The following NUP210 variants were observed in gnomAD, a reference collection of about 807,000 sequenced individuals.
NUP210 encodes the protein nuclear pore membrane glycoprotein 210.
NUP210 carries 151 observed loss-of-function variants against 196.0 expected under a neutral mutation model. The ratio of observed to expected loss-of-function variants is 0.77; its 90% confidence interval spans 0.67 to 0.88. NUP210 has a LOEUF of 0.88. NUP210 is among the 40% of genes least tolerant of loss of function. The probability of loss-of-function intolerance (pLI) is 0.00; values close to 1 mark genes in which losing one functional copy is unlikely to be tolerated. For synonymous variants in NUP210, 1,070 were observed against 1,052.7 expected, an observed-to-expected ratio of 1.02 and a Z score of -0.32; for missense variants, 2,314 against 2,493.7, an observed-to-expected ratio of 0.93 and a Z score of 1.53.
rs1293508200 is a variant in NUP210, at chr3:13,391,288, C to T, written c.456G>A (p.Leu152=). ...LDSEGNTFST[L]AGLVFEWTIV... The stretch of plus-strand genomic sequence containing the variant: ...TCGTCCACTCGAAGACCAGTCCAGC[C>T]AGAGTGCTGAAGGTGTTCCCTATAA... Residue 152 remains leucine (L), a synonymous_variant, in exon 4 of 40, where the codon CTG becomes CTA. Coordinates refer to ENST00000254508, the MANE Select transcript of NUP210 (RefSeq NM_024923.4). 1 of 1,610,926 alleles carries T rather than the reference C, an allele frequency of 6.2e-7. No individual in the cohort carries two copies. The highest frequency in any genetic ancestry group is 8.5e-7 in the Non-Finnish European group (1 of 1,178,596).
In NUP210 at chr3:13,375,531, C is replaced by T; in HGVS notation, c.1404G>A (p.Lys468=). ...TTATTGTGTACTGATAGGCGCCCGTCTTTGGTTGCCACGGAAATGTCAAGA... is the reference window on the plus strand; with the variant it reads ...TTATTGTGTACTGATAGGCGCCCGTTTTTGGTTGCCACGGAAATGTCAAGA... The part of the protein sequence containing the change: ...PSILTFPWQP[K]TGAYQYTIRA... Residue 468 remains lysine, a synonymous_variant, in exon 11 of 40, where the codon AAG becomes AAA. Coordinates refer to ENST00000254508, the MANE Select transcript of NUP210 (RefSeq NM_024923.4). 1.2e-6 allele frequency: 2 copies of T among 1,614,122 alleles called. No individual in the cohort carries two copies. Among genetic ancestry groups the T allele is most frequent in the Non-Finnish European group, 1.7e-6 (2 of 1,180,012 alleles).
intron 1 of NUP210, among the ~76,000 whole-genome samples, chr3:13,404,790 C>T (rs908663547): frequency 6.6e-6 from 1 of 152,206 alleles, no homozygotes; most frequent in Admixed American, 6.5e-5. Flanking sequence ...CTGGCTCTTT[C>T]CCAGGCTGGG....
chr3:13,415,193 A>C (rs1043049491), intron 1 of NUP210, among the ~76,000 whole-genome samples: 1 of 152,160 alleles, frequency 6.6e-6, no homozygotes, highest in African/African-American at 2.4e-5. Flanking sequence ...GTGCCACTGC[A>C]CTCCAGCCTG....
At chr3:13,391,445 G>C in intron 3 of NUP210, 138 bp from the exon 4 acceptor site, 1 of 645,876 alleles carries the variant, frequency 1.5e-6, no homozygotes, top group South Asian at 1.7e-5. Flanking sequence ...TAAACTGTAT[G>C]TCAGGAGAGG....
chr3:13,408,265 GATTAGCTAGT>G (rs915385699), intron 1 of NUP210, among the ~76,000 whole-genome samples: 6 of 152,006 alleles, frequency 3.9e-5, no homozygotes, highest in African/African-American at 1.4e-4. Context: ...TTCTGGATTT[GATTAGCTAGT>G]ATTTTAAAAA....
chr3:13,322,628 A>G (rs186405394), intron 34 of NUP210, among the ~76,000 whole-genome samples: 1 of 152,364 alleles, frequency 6.6e-6, no homozygotes, highest in East Asian at 1.9e-4. Context: ...TAGGCCCACT[A>G]ATGCCTGTCT....
At position 13,350,232 on chromosome 3, in the gene NUP210, G is replaced by A. The variant is rs1001998703; in HGVS notation, c.2835+1647C>T. Among the ~76,000 whole-genome samples the A allele has an allele frequency of 1.3e-5, 2 of 151,648 alleles. No individual in the cohort carries two copies. The highest frequency in any genetic ancestry group is 2.9e-5 in the Non-Finnish European group (2 of 67,924). On this transcript the variant is annotated intron_variant, in intron 20 of 39. Transcript: ENST00000254508. This position sits in a 1 kb window ranked among gnomAD's most constrained non-coding sequence, Gnocchi z 4.1. Reference sequence around the variant, plus strand: ...AATAACACAGCCTGTGTGTGTGTGTGTTCAGCAAAATAACACAGCCTGTGT... The same window carrying A: ...AATAACACAGCCTGTGTGTGTGTGTATTCAGCAAAATAACACAGCCTGTGT...
chr3:13,380,395 G>A (rs1480204722), intron 6 of NUP210, among the ~76,000 whole-genome samples: 3 of 152,310 alleles, frequency 2.0e-5, no homozygotes, highest in Admixed American at 2.0e-4. Context: ...GCAATGAGGT[G>A]TCTCATGATC....
chr3:13,336,756 G>C, intron 27 of NUP210, 31 bp downstream of exon 27: 1 of 1,606,902 alleles, frequency 6.2e-7, no homozygotes, highest in Non-Finnish European at 8.5e-7. Context: ...ACAGGGGTGG[G>C]AGGTGAGCTC....
chr3:13,367,168 G>A (rs1698567479), intron 13 of NUP210, among the ~76,000 whole-genome samples: 1 of 151,624 alleles, frequency 6.6e-6, no homozygotes, highest in South Asian at 2.1e-4. Context: ...CGGGCATGGT[G>A]GCTCACACCT....
At chr3:13,328,569 T>C (rs543093820) in intron 31 of NUP210, among the ~76,000 whole-genome samples, 2 of 152,362 alleles carry the variant, frequency 1.3e-5, no homozygotes, top group East Asian at 3.9e-4. Flanking sequence ...CCTGTCTGTC[T>C]TCCTCTGAGC....
intron 28 of NUP210, among the ~76,000 whole-genome samples, 187 bp from the exon 29 acceptor site, chr3:13,332,571 G>A (rs560802409): frequency 6.6e-4 from 100 of 151,620 alleles, no homozygotes; most frequent in Non-Finnish European, 1.3e-3. Context: ...GGTGTGGCCG[G>A]GTAGAGTAGC....
chr3:13,420,110 C>A lies in NUP210; in HGVS notation c.117G>T (p.Arg39=). Residue 39 remains arginine, a synonymous_variant, in exon 1 of 40, where the codon CGG becomes CGT. Coordinates refer to ENST00000254508, the MANE Select transcript of NUP210 (RefSeq NM_024923.4). The surrounding 1 kb of genome is among the most constrained non-coding windows in gnomAD (Gnocchi z 4.8). ...CCAGCGTGAAGTTAACGCGCGTGGCCCGCGTGAAGGGCAGCAGCACTTTGG... is the reference window on the plus strand; with the variant it reads ...CCAGCGTGAAGTTAACGCGCGTGGCACGCGTGAAGGGCAGCAGCACTTTGG... ...NIPKVLLPFT[R]ATRVNFTLEA... 2 of 1,384,108 alleles carry A rather than the reference C, an allele frequency of 1.4e-6. No individual in the cohort carries two copies. The highest frequency in any genetic ancestry group is 9.5e-7 in the Non-Finnish European group (1 of 1,048,028). The allele number at this position is 1,384,108 out of a possible 1,614,324, so 85.7% of individuals were successfully genotyped here.
chr3:13,402,553 C>T (rs1468025580), intron 1 of NUP210, among the ~76,000 whole-genome samples: 1 of 152,186 alleles, frequency 6.6e-6, no homozygotes, highest in Admixed American at 6.5e-5. Flanking sequence ...CTTCCCTGGG[C>T]TGCCACACTG....
At position 13,373,890 on chromosome 3, in the gene NUP210, A is replaced by C. The variant is rs376371339; in HGVS notation, c.1432-17T>G. 3.0e-5 allele frequency: 49 copies of C among 1,611,324 alleles called. No homozygotes were observed. Among genetic ancestry groups the C allele is most frequent in the Non-Finnish European group, 4.1e-5 (48 of 1,178,790 alleles). On this transcript the variant is annotated splice_polypyrimidine_tract_variant and intron_variant, in intron 11 of 39. Coordinates refer to ENST00000254508, the MANE Select transcript of NUP210 (RefSeq NM_024923.4). ...ACCGTGGGCCTGCGGAGGAAAAGCC[A>C]TCACAGGACCAGCCACCCACCCTTA...
intron 1 of NUP210, among the ~76,000 whole-genome samples, chr3:13,403,103 G>A (rs1018757679): frequency 5.9e-5 from 9 of 152,278 alleles, no homozygotes; most frequent in South Asian, 2.1e-4. Context: ...AAGAAAATAC[G>A]TGATTTACCC....
At position 13,347,275 on chromosome 3, in the gene NUP210, C is replaced by T; in HGVS notation, c.2836-3972G>A. Reference sequence around the variant, plus strand: ...AGCACCTGGCACACGATAAGCACTCCAGCGTCTCTGAGTGCACGAGTTAAT... The same window carrying T: ...AGCACCTGGCACACGATAAGCACTCTAGCGTCTCTGAGTGCACGAGTTAAT... On this transcript the variant is annotated intron_variant, in intron 20 of 39. Coordinates refer to ENST00000254508, the MANE Select transcript of NUP210 (RefSeq NM_024923.4). This position sits in a 1 kb window ranked among gnomAD's most constrained non-coding sequence, Gnocchi z 4.7. The T allele has an allele frequency of 2.0e-6, 2 of 985,222 alleles. No individual in the cohort carries two copies. The allele number at this position is 985,222 out of a possible 1,614,324, so 61.0% of individuals were successfully genotyped here.
At chr3:13,390,996 C>T (rs1045024470) in intron 4 of NUP210, among the ~76,000 whole-genome samples, 1 of 152,236 alleles carries the variant, frequency 6.6e-6, no homozygotes, top group South Asian at 2.1e-4. Flanking sequence ...TCTCACAGGA[C>T]ACTCTCTGGG....
intron 8 of NUP210, among the ~76,000 whole-genome samples, chr3:13,378,381 T>C (rs1235847159): frequency 6.6e-6 from 1 of 152,220 alleles, no homozygotes; most frequent in Non-Finnish European, 1.5e-5. Flanking sequence ...ACTCTTGCTG[T>C]CCCCTGGGAT....
Sources: allele counts gnomAD v4.1 joint callset (sites outside exome capture counted in the v4.1 genomes callset), GRCh38; gene constraint gnomAD v4.1.1; non-coding constraint Gnocchi (gnomAD v3.1); transcripts MANE v1.5; gene names NCBI Gene and HGNC (gene_info 2026-07-23, HGNC 2026-07-21).